Variants in KDELR1 observed in about 807,000 individuals in gnomAD.
The protein encoded by KDELR1 is KDEL endoplasmic reticulum protein retention receptor 1.
In KDELR1, 16 loss-of-function variants were observed where a neutral mutation model predicts 25.5. The observed-to-expected ratio is 0.63, with a 90% CI of 0.43 to 0.95. The LOEUF (loss-of-function observed/expected upper bound fraction) is 0.95. Ranked by LOEUF, KDELR1 falls within the 40% of genes least tolerant of loss-of-function variation. The probability of loss-of-function intolerance (pLI) is 0.00; values close to 1 mark genes in which losing one functional copy is unlikely to be tolerated. For synonymous variants in KDELR1, 121 were observed against 115.0 expected (o/e 1.05, Z -0.33); for missense variants, 159 against 265.2 (o/e 0.60, Z 2.78).
upstream of KDELR1, among the ~76,000 whole-genome samples, chr19:48,393,249 G>C (rs1970583249): frequency 6.9e-6 from 1 of 145,288 alleles, no homozygotes; most frequent in Non-Finnish European, 1.5e-5. This position sits in a 1 kb window ranked among gnomAD's most constrained non-coding sequence, Gnocchi z 5.6. Flanking sequence ...TGGGGGGTGG[G>C]ACTCCTGGGA....
At position 48,384,814 on chromosome 19, in the gene KDELR1, CT is replaced by C. The variant is rs1331704133; in HGVS notation, c.352-333del. ...GATTCGCAGTCCGTTCTCATGAACA[CT>C]TTGCAATTGCGCCTCTCTGAAAGGC... On this transcript the variant is annotated intron_variant, in intron 3 of 4. Coordinates refer to ENST00000330720, the MANE Select transcript of KDELR1 (RefSeq NM_006801.3). This position sits in a 1 kb window ranked among gnomAD's most constrained non-coding sequence, Gnocchi z 4.6. Among the ~76,000 whole-genome samples, 2 of 152,148 alleles carry C rather than the reference CT, an allele frequency of 1.3e-5. No homozygotes were observed. The highest frequency in any genetic ancestry group is 1.3e-4 in the Admixed American group (2 of 15,274).
chr19:48,394,322 G>T (rs193034967), upstream of KDELR1, among the ~76,000 whole-genome samples: 494 of 151,608 alleles, frequency 3.3e-3, 6 homozygotes, highest in East Asian at 0.051. The surrounding 1 kb of genome is among the most constrained non-coding windows in gnomAD (Gnocchi z 5.1). Flanking sequence ...GTCAAGGGGG[G>T]GTCTAGAGGT....
upstream of KDELR1, among the ~76,000 whole-genome samples, chr19:48,392,986 T>C (rs1600961870): frequency 6.6e-6 from 1 of 152,158 alleles, no homozygotes; most frequent in South Asian, 2.1e-4. Flanking sequence ...TTCCGGATGA[T>C]GGGGTACCCA....
rs1445094779 is a variant in KDELR1, at chr19:48,391,450, TGG to T, written c.-94_-93del. ...TGCTGGTCTGAACGGGTAGCTGGGC[TGG>T]GGGGACGGAAGAGGGACCCTAGGTG... On this transcript the variant is annotated 5_prime_UTR_variant, in exon 1 of 5. Transcript: ENST00000330720. 3 of 1,016,488 alleles carry T rather than the reference TGG, an allele frequency of 3.0e-6. No individual in the cohort carries two copies. The African/African-American group carries it at 4.8e-5, about 16-fold the overall frequency. 63.0% of individuals were successfully genotyped at this position (1,016,488 alleles called of 1,614,324 possible). A position where few individuals can be genotyped will look rare whatever the true frequency, so the allele number is the denominator to read the frequency against.
upstream of KDELR1, among the ~76,000 whole-genome samples, chr19:48,396,157 A>G (rs903561019): frequency 1.7e-4 from 26 of 151,568 alleles, no homozygotes; most frequent in African/African-American, 6.3e-4. Flanking sequence ...ACGGAGGCTC[A>G]TGAGGAGGTA....
Position 48,391,365 on chromosome 19 carries a change from G to A in KDELR1, c.-7C>T. On this transcript the variant is annotated 5_prime_UTR_variant, in exon 1 of 5. Transcript: ENST00000330720. ...GGAATCGGAAGAGATTCATGGCTGG[G>A]GAACCCTGGCAGGGCTGAGCGGGAG... 12 of 1,552,118 alleles carry A rather than the reference G, an allele frequency of 7.7e-6. No individual in the cohort carries two copies. The highest frequency in any genetic ancestry group is 9.6e-6 in the Non-Finnish European group (11 of 1,147,202).
chr19:48,383,077 C>G lies in KDELR1; in HGVS notation c.*216G>C. 1.7e-6 allele frequency: 1 copy of G among 574,332 alleles called. No homozygotes were observed. Among genetic ancestry groups the G allele is most frequent in the Middle Eastern group, 4.6e-4 (1 of 2,188 alleles). The allele number at this position is 574,332 out of a possible 1,614,324, so 35.6% of individuals were successfully genotyped here. On this transcript the variant is annotated 3_prime_UTR_variant, in exon 5 of 5. Transcript: ENST00000330720. ...CTAAAGAGTGGAAAGATTTTTTTTTCTTGTCTAAAAGGCAAAAAACTACAA... is the reference window on the plus strand; with the variant it reads ...CTAAAGAGTGGAAAGATTTTTTTTTGTTGTCTAAAAGGCAAAAAACTACAA...
chr19:48,388,855 G>A (rs1479951715), intron 3 of KDELR1, among the ~76,000 whole-genome samples: 1 of 147,220 alleles, frequency 6.8e-6, no homozygotes, highest in Non-Finnish European at 1.5e-5. Flanking sequence ...AAGGAAGAAG[G>A]AAAGGAAGAA....
At chr19:48,389,163 G>C (rs766398949) in intron 3 of KDELR1, among the ~76,000 whole-genome samples, 2 of 152,084 alleles carry the variant, frequency 1.3e-5, no homozygotes, top group Non-Finnish European at 1.5e-5. Flanking sequence ...CCAACTACTC[G>C]GGAGGCTGAG....
intron 3 of KDELR1, among the ~76,000 whole-genome samples, chr19:48,388,006 A>G (rs1970509798): frequency 6.6e-6 from 1 of 152,174 alleles, no homozygotes; most frequent in Non-Finnish European, 1.5e-5. Flanking sequence ...TTTAAAAGTA[A>G]AAGTATCAGA....
chr19:48,383,350 G>C (rs1398417079), intron 4 of KDELR1, 23 bp from the exon 5 acceptor site: 1 of 1,551,296 alleles, frequency 6.4e-7, no homozygotes, highest in South Asian at 1.2e-5. Flanking sequence ...AAAACAGGGA[G>C]GGCATTACCG....
intron 2 of KDELR1, chr19:48,390,185 C>T (rs1970533096): frequency 1.4e-5 from 6 of 425,832 alleles, no homozygotes; most frequent in Admixed American, 1.2e-4. Context: ...TCCAGGCCCC[C>T]GGCCCCTCCT....
upstream of KDELR1, among the ~76,000 whole-genome samples, chr19:48,394,583 G>A (rs527550808): frequency 9.2e-5 from 14 of 151,760 alleles, no homozygotes; most frequent in East Asian, 2.7e-3. The surrounding 1 kb of genome is among the most constrained non-coding windows in gnomAD (Gnocchi z 5.1). Context: ...GTGGGCGGAG[G>A]GGGGATCCCC....
At chr19:48,392,162 C>A (rs1359867069), upstream of KDELR1, among the ~76,000 whole-genome samples, 1 of 147,428 alleles carries the variant, frequency 6.8e-6, no homozygotes, top group Non-Finnish European at 1.5e-5. Flanking sequence ...CCCTCAGACC[C>A]AGGAGTCCAG....
chr19:48,395,738 G>T (rs1367656448), upstream of KDELR1, among the ~76,000 whole-genome samples: 1 of 151,532 alleles, frequency 6.6e-6, no homozygotes, highest in African/African-American at 2.4e-5. Flanking sequence ...AGAGCTCGGT[G>T]GGGGGGCACC....
At chr19:48,387,426 T>TTTAC (rs1970505496) in intron 3 of KDELR1, among the ~76,000 whole-genome samples, 1 of 152,120 alleles carries the variant, frequency 6.6e-6, no homozygotes, top group African/African-American at 2.4e-5. Context: ...CTCATGCCTG[T>TTTAC]AATCCTAGCA....
intron 1 of KDELR1, chr19:48,390,752 C>T: frequency 1.9e-6 from 1 of 539,386 alleles, no homozygotes; most frequent in South Asian, 2.2e-5. Context: ...CCACGGACCA[C>T]AGCCAGGGGG....
intron 1 of KDELR1, 32 bp downstream of exon 1, chr19:48,391,236 C>G (rs1205486589): frequency 1.3e-6 from 2 of 1,544,742 alleles, no homozygotes; most frequent in East Asian, 2.4e-5. Flanking sequence ...CCCGCAATCT[C>G]TCTCCTTCGC....
chr19:48,388,011 A>T (rs114861979), intron 3 of KDELR1, among the ~76,000 whole-genome samples: 1,928 of 152,370 alleles, frequency 0.013, 42 homozygotes, highest in African/African-American at 0.044. Flanking sequence ...AAGTAAAAGT[A>T]TCAGAGATGG....
Sources: allele counts gnomAD v4.1 joint callset (sites outside exome capture counted in the v4.1 genomes callset), GRCh38; gene constraint gnomAD v4.1.1; non-coding constraint Gnocchi (gnomAD v3.1); transcripts MANE v1.5; gene names NCBI Gene and HGNC (gene_info 2026-07-23, HGNC 2026-07-21).